The following GREM2 variants were observed in gnomAD, a reference collection of about 807,000 sequenced individuals.
The protein encoded by GREM2 is gremlin 2, DAN family BMP antagonist.
GREM2 carries 11 observed loss-of-function variants against 14.2 expected under a neutral mutation model. The ratio of observed to expected loss-of-function variants is 0.78; its 90% CI spans 0.49 to 1.28. The LOEUF is 1.28. Among genes scored for constraint, GREM2 ranks in the 50% most tolerant of loss-of-function variants. The probability of loss-of-function intolerance (pLI) is 0.00; values close to 1 mark genes in which losing one functional copy is unlikely to be tolerated. For synonymous variants in GREM2, 98 were observed against 97.6 expected, an observed-to-expected ratio of 1.00 and a Z score of -0.02; for missense variants, 210 against 218.5, an observed-to-expected ratio of 0.96 and a Z score of 0.24.
At chr1:240,556,072 G>A (rs920256269) in intron 1 of GREM2, among the ~76,000 whole-genome samples, 6 of 152,182 alleles carry the variant, frequency 3.9e-5, no homozygotes, top group African/African-American at 1.4e-4. Context: ...AGAGATTGAT[G>A]TTAGCCATCA....
Position 240,517,695 on chromosome 1 carries a change from T to C in GREM2, c.-1-24219A>G, listed in dbSNP as rs527801152. On this transcript the variant is annotated intron_variant, in intron 1 of 1. Transcript: ENST00000318160. The stretch of plus-strand genomic sequence containing the variant: ...ATGGTTCACAATTTTTTGTGTGTCA[T>C]GGCATGCATGTACAAGCACACAGAT... 5.3e-5 allele frequency among the ~76,000 whole-genome samples: 8 copies of C among 152,326 alleles called. No homozygotes were observed. The East Asian group carries it at 9.6e-4, about 18-fold the overall frequency.
At chr1:240,516,000 T>C (rs901073299) in intron 1 of GREM2, among the ~76,000 whole-genome samples, 1 of 152,128 alleles carries the variant, frequency 6.6e-6, no homozygotes, top group Non-Finnish European at 1.5e-5. Context: ...TTTCTTCTAA[T>C]GAGAAAGAGC....
rs749852076 is a variant in GREM2, at chr1:240,492,931, C to T, written c.*38G>A. 7.2e-7 allele frequency: 1 copy of T among 1,395,834 alleles called. No homozygotes were observed. Among genetic ancestry groups the T allele is most frequent in the Non-Finnish European group, 9.3e-7 (1 of 1,074,072 alleles). 86.5% of individuals were successfully genotyped at this position (1,395,834 alleles called of 1,614,324 possible). On this transcript the variant is annotated 3_prime_UTR_variant, in exon 2 of 2. Coordinates refer to ENST00000318160, the MANE Select transcript of GREM2 (RefSeq NM_022469.4). Reference sequence around the variant, plus strand: ...GGCGGCGGCGGCGCCACCCAGCGGCCGGGCGCGCGCGGGGCTGAGCTGCGT... The same window carrying T: ...GGCGGCGGCGGCGCCACCCAGCGGCTGGGCGCGCGCGGGGCTGAGCTGCGT...
chr1:240,519,970 C>T (rs1678043097), intron 1 of GREM2, among the ~76,000 whole-genome samples: 1 of 152,104 alleles, frequency 6.6e-6, no homozygotes, highest in Non-Finnish European at 1.5e-5. Flanking sequence ...ATCCCAGCTA[C>T]TCAGGAGGCT....
At chr1:240,531,984 T>A (rs1678373300) in intron 1 of GREM2, among the ~76,000 whole-genome samples, 1 of 152,136 alleles carries the variant, frequency 6.6e-6, no homozygotes, top group Admixed American at 6.6e-5. Flanking sequence ...CAAGAAACAA[T>A]TAGCCTCTAA....
At chr1:240,554,434 G>T (rs1409715935) in intron 1 of GREM2, among the ~76,000 whole-genome samples, 1 of 151,400 alleles carries the variant, frequency 6.6e-6, no homozygotes, top group Non-Finnish European at 1.5e-5. Context: ...AAAAGATGAG[G>T]TCTCACTATG....
chr1:240,496,633 T>G (rs1677424963), intron 1 of GREM2, among the ~76,000 whole-genome samples: 1 of 152,132 alleles, frequency 6.6e-6, no homozygotes, highest in African/African-American at 2.4e-5. Flanking sequence ...GAATGTAAGG[T>G]CCAAGAGAGA....
intron 1 of GREM2, among the ~76,000 whole-genome samples, chr1:240,592,931 C>T (rs536690775): frequency 6.7e-6 from 1 of 150,022 alleles, no homozygotes; most frequent in Non-Finnish European, 1.5e-5. Context: ...GACAGAAGTT[C>T]GAGACCAGCC....
At chr1:240,497,306 T>C (rs1005821084) in intron 1 of GREM2, among the ~76,000 whole-genome samples, 2 of 143,940 alleles carry the variant, frequency 1.4e-5, no homozygotes, top group African/African-American at 5.1e-5. Context: ...AATAGGTATA[T>C]ATATTTATGG....
At chr1:240,583,352 A>C (rs1172893862) in intron 1 of GREM2, among the ~76,000 whole-genome samples, 1 of 152,228 alleles carries the variant, frequency 6.6e-6, no homozygotes, top group African/African-American at 2.4e-5. Flanking sequence ...TAAAGATGTG[A>C]CAGATAGCTA....
At chr1:240,494,475 A>G (rs1221690218) in intron 1 of GREM2, among the ~76,000 whole-genome samples, 3 of 152,230 alleles carry the variant, frequency 2.0e-5, no homozygotes, top group African/African-American at 7.2e-5. Context: ...ATGAGTATTA[A>G]AGATAGAACT....
chr1:240,531,933 A>C (rs2103315570), intron 1 of GREM2, among the ~76,000 whole-genome samples: 1 of 151,946 alleles, frequency 6.6e-6, no homozygotes, highest in South Asian at 2.1e-4. Context: ...AAACAATTGG[A>C]AACGATAGCC....
intron 1 of GREM2, among the ~76,000 whole-genome samples, chr1:240,517,849 T>C (rs931280229): frequency 2.0e-5 from 3 of 152,206 alleles, no homozygotes; most frequent in Non-Finnish European, 4.4e-5. Context: ...GCTATGTTGT[T>C]TACCAACTAT....
intron 1 of GREM2, among the ~76,000 whole-genome samples, chr1:240,567,795 G>C (rs1679196351): frequency 6.6e-6 from 1 of 152,150 alleles, no homozygotes; most frequent in Non-Finnish European, 1.5e-5. Flanking sequence ...TGCTTTAAAA[G>C]ATAACTGACT....
chr1:240,589,655 T>C (rs1457750116), intron 1 of GREM2, among the ~76,000 whole-genome samples: 1 of 152,044 alleles, frequency 6.6e-6, no homozygotes, highest in Non-Finnish European at 1.5e-5. Flanking sequence ...CATGATCCCG[T>C]AGGAACAATG....
At chr1:240,566,850 A>G (rs1166217439) in intron 1 of GREM2, among the ~76,000 whole-genome samples, 2 of 152,160 alleles carry the variant, frequency 1.3e-5, no homozygotes, top group African/African-American at 2.4e-5. Context: ...TAAAAACAAA[A>G]CAAAACAAAA....
chr1:240,505,976 A>AT lies in GREM2; in HGVS notation c.-1-12501dup, dbSNP rs201413771. Among the ~76,000 whole-genome samples, 17 of 151,480 alleles carry AT rather than the reference A, an allele frequency of 1.1e-4. No individual in the cohort carries two copies. In the South Asian group the frequency reaches 1.7e-3, roughly 15 times the overall value. On this transcript the variant is annotated intron_variant, in intron 1 of 1. Transcript: ENST00000318160. ...AGACATTTTAAAACGTGGTATAACC[A>AT]TTTTTTTAAAAAAAAGATCCAGTTT...
chr1:240,538,444 G>A (rs1678520744), intron 1 of GREM2, among the ~76,000 whole-genome samples: 1 of 152,110 alleles, frequency 6.6e-6, no homozygotes, highest in Non-Finnish European at 1.5e-5. Context: ...GCTCACGCCT[G>A]TAATCCCAGC....
intron 1 of GREM2, among the ~76,000 whole-genome samples, chr1:240,513,680 G>A (rs1290131339): frequency 2.6e-5 from 4 of 152,092 alleles, no homozygotes; most frequent in Non-Finnish European, 5.9e-5. Context: ...CGGCAGATGG[G>A]GACCAGATCA....
Sources: gnomAD v4.1 joint callset for allele counts (sites outside exome capture counted in the v4.1 genomes callset) on GRCh38, gnomAD v4.1.1 for gene constraint, MANE v1.5 for transcripts, NCBI Gene and HGNC (gene_info 2026-07-23, HGNC 2026-07-21) for gene names.